The following PRKG1 variants were observed in gnomAD, a reference collection of about 807,000 sequenced individuals.
The protein encoded by PRKG1 is protein kinase cGMP-dependent 1.
PRKG1 carries 35 observed loss-of-function variants against 88.1 expected under a neutral mutation model. That is an observed-to-expected ratio of 0.40 (90% CI 0.30 to 0.53). The LOEUF (loss-of-function observed/expected upper bound fraction) is 0.53. PRKG1 is among the 20% of genes least tolerant of loss of function. The pLI is 0.59. For missense variants in PRKG1, 540 were observed against 839.8 expected (o/e 0.64, Z 4.41); for synonymous variants, 303 against 292.5 (o/e 1.04, Z -0.37).
upstream of PRKG1, among the ~76,000 whole-genome samples, chr10:51,070,953 A>G (rs944971276): frequency 6.6e-6 from 1 of 152,202 alleles, no homozygotes; most frequent in African/African-American, 2.4e-5. Context: ...ATCTAATGTC[A>G]AAGCTTCATC....
chr10:52,216,555 C>T (rs933913973), intron 9 of PRKG1, among the ~76,000 whole-genome samples: 5 of 152,064 alleles, frequency 3.3e-5, no homozygotes, highest in African/African-American at 7.2e-5. Flanking sequence ...TCATCTTTAC[C>T]TTTTAGTATT....
chr10:51,372,624 T>A (rs1842727240), intron 2 of PRKG1, among the ~76,000 whole-genome samples: 1 of 152,188 alleles, frequency 6.6e-6, no homozygotes, highest in African/African-American at 2.4e-5. Context: ...AGTATAATAT[T>A]TCCTATAATT....
intron 1 of PRKG1, among the ~76,000 whole-genome samples, chr10:51,068,203 A>T (rs865962371): frequency 1.7e-4 from 26 of 152,016 alleles, no homozygotes; most frequent in African/African-American, 4.8e-4. Context: ...CCATCTCATG[A>T]TGATTATAGA....
rs568763297 is a variant in PRKG1, at chr10:51,948,168, G to A, written c.762+40598G>A. 3.3e-5 allele frequency among the ~76,000 whole-genome samples: 5 copies of A among 152,116 alleles called. No homozygotes were observed. The South Asian group carries it at 1.0e-3, about 32-fold the overall frequency. On this transcript the variant is annotated intron_variant, in intron 5 of 17. Transcript: ENST00000373980. ...ACATTGTTACCTCAAACAAGTGCTA[G>A]TTCACCATGATTCAAAACATGTATT...
intron 7 of PRKG1, among the ~76,000 whole-genome samples, chr10:52,106,004 T>C (rs916763591): frequency 1.3e-5 from 2 of 152,174 alleles, no homozygotes; most frequent in African/African-American, 4.8e-5. Flanking sequence ...CCAAAGTTCA[T>C]TGTATCCTTC....
At chr10:52,052,033 C>G (rs1462994453) in intron 5 of PRKG1, among the ~76,000 whole-genome samples, 1 of 152,108 alleles carries the variant, frequency 6.6e-6, no homozygotes, top group Non-Finnish European at 1.5e-5. Flanking sequence ...CCTTTGCTAC[C>G]CAATACGGTA....
intron 12 of PRKG1, among the ~76,000 whole-genome samples, chr10:52,279,643 T>C (rs1182697097): frequency 6.6e-6 from 1 of 151,956 alleles, no homozygotes; most frequent in Non-Finnish European, 1.5e-5. Context: ...TAAACTTTAC[T>C]CCACAATTTT....
chr10:51,907,464 G>T, intron 4 of PRKG1, 43 bp from the exon 5 acceptor site: 1 of 1,476,810 alleles, frequency 6.8e-7, no homozygotes, highest in Non-Finnish European at 9.3e-7. Flanking sequence ...ATGAAAGTAA[G>T]TTGTGGTTCA....
At chr10:51,528,417 C>CT (rs1014162235) in intron 3 of PRKG1, among the ~76,000 whole-genome samples, 2 of 137,678 alleles carry the variant, frequency 1.5e-5, no homozygotes, top group Non-Finnish European at 3.5e-5. Flanking sequence ...TCTAAATACA[C>CT]TTTTTTCCCC....
chr10:51,749,579 TG>T (rs1837667969), intron 3 of PRKG1, among the ~76,000 whole-genome samples: 1 of 152,182 alleles, frequency 6.6e-6, no homozygotes, highest in Admixed American at 6.5e-5. Flanking sequence ...TAGTCACATT[TG>T]GGGGTTAGAT....
chr10:51,818,643 G>C (rs1195635722), intron 4 of PRKG1, among the ~76,000 whole-genome samples: 1 of 152,078 alleles, frequency 6.6e-6, no homozygotes, highest in East Asian at 1.9e-4. Flanking sequence ...GAGAATCACA[G>C]CACACGCATA....
At chr10:51,520,741 T>C (rs902591957) in intron 3 of PRKG1, among the ~76,000 whole-genome samples, 2 of 152,226 alleles carry the variant, frequency 1.3e-5, no homozygotes, top group African/African-American at 4.8e-5. Flanking sequence ...ATTGACCTCA[T>C]GTTTTTCATA....
intron 4 of PRKG1, among the ~76,000 whole-genome samples, chr10:51,817,350 C>CA (rs1357804426): frequency 6.2e-5 from 8 of 129,502 alleles, no homozygotes; most frequent in Non-Finnish European, 9.5e-5. Context: ...CTCCCCAACC[C>CA]CCCCCCTCCC....
chr10:52,170,902 T>C (rs1838652206), intron 9 of PRKG1, among the ~76,000 whole-genome samples: 1 of 152,210 alleles, frequency 6.6e-6, no homozygotes, highest in Admixed American at 6.5e-5. Flanking sequence ...ACAGAACGGC[T>C]GCTGTTGTTC....
chr10:52,127,628 T>C (rs1847960091), intron 7 of PRKG1, among the ~76,000 whole-genome samples: 1 of 152,086 alleles, frequency 6.6e-6, no homozygotes, highest in Non-Finnish European at 1.5e-5. Context: ...AGACAAAGTA[T>C]ATAAAAAGGG....
intron 3 of PRKG1, among the ~76,000 whole-genome samples, chr10:51,490,898 G>C (rs185610734): frequency 6.6e-6 from 1 of 152,102 alleles, no homozygotes; most frequent in East Asian, 1.9e-4. Flanking sequence ...AATAATTTGA[G>C]ATGCATCAAA....
intron 4 of PRKG1, among the ~76,000 whole-genome samples, chr10:51,856,965 C>T (rs115448743): frequency 0.06 from 3,269 of 54,922 alleles, 107 homozygotes; most frequent in African/African-American, 0.14. Context: ...CTCCGTCTTA[C>T]TAAAAAAAAG....
At chr10:51,928,802 C>T (rs1267566608) in intron 5 of PRKG1, among the ~76,000 whole-genome samples, 6 of 152,070 alleles carry the variant, frequency 3.9e-5, no homozygotes, top group Non-Finnish European at 8.8e-5. Context: ...GGAAAAATGG[C>T]TCTAATATAT....
intron 16 of PRKG1, among the ~76,000 whole-genome samples, chr10:52,289,697 AG>A (rs1430874446): frequency 3.1e-5 from 1 of 32,064 alleles, no homozygotes; most frequent in Admixed American, 2.2e-4. Context: ...TTATTTTCAC[AG>A]AAAAACTGTA....
Sources: allele counts gnomAD v4.1 joint callset (sites outside exome capture counted in the v4.1 genomes callset), GRCh38; gene constraint gnomAD v4.1.1; transcripts MANE v1.5; gene names NCBI Gene and HGNC (gene_info 2026-07-23, HGNC 2026-07-21).